Variants in LIMCH1 observed in about 807,000 individuals in gnomAD.
The protein encoded by LIMCH1 is LIM and calponin homology domains-containing protein 1.
A neutral mutation model predicts 176.5 loss-of-function variants in LIMCH1; 113 were observed. The ratio of observed to expected loss-of-function variants is 0.64; its 90% confidence interval spans 0.55 to 0.75. LIMCH1 has a LOEUF of 0.75. Ranked by LOEUF, LIMCH1 falls within the 30% of genes least tolerant of loss-of-function variation. LIMCH1 has a pLI of 0.00. For missense variants in LIMCH1, 1,674 were observed against 1,814.9 expected (o/e 0.92, Z 1.41); for synonymous variants, 619 against 645.9 (o/e 0.96, Z 0.63).
chr4:41,673,302 A>G (rs2095113377), intron 22 of LIMCH1, among the ~76,000 whole-genome samples: 1 of 152,166 alleles, frequency 6.6e-6, no homozygotes, highest in Admixed American at 6.5e-5. Flanking sequence ...AGATCTGAAG[A>G]TTTCCATTTT....
intron 2 of LIMCH1, among the ~76,000 whole-genome samples, chr4:41,602,590 G>A (rs192823251): frequency 8.6e-4 from 131 of 152,046 alleles, no homozygotes; most frequent in African/African-American, 2.5e-3. Context: ...AGGCCAAGGC[G>A]GGCAGATCAC....
chr4:41,459,194 G>A (rs150975007), intron 1 of LIMCH1, among the ~76,000 whole-genome samples: 6 of 152,184 alleles, frequency 3.9e-5, no homozygotes, highest in Admixed American at 3.9e-4. Context: ...AGAGCTTAAA[G>A]AGGAAAATTT....
intron 1 of LIMCH1, among the ~76,000 whole-genome samples, chr4:41,596,776 G>GA (rs1481724735): frequency 6.6e-6 from 1 of 152,188 alleles, no homozygotes; most frequent in Non-Finnish European, 1.5e-5. Flanking sequence ...AACCGAAGGA[G>GA]AAACTGGTGA....
At chr4:41,619,154 C>T (rs771030596) in intron 5 of LIMCH1, 34 bp from the exon 6 acceptor site, 15 of 1,611,244 alleles carry the variant, frequency 9.3e-6, no homozygotes, top group Non-Finnish European at 1.3e-5. Context: ...GCTAGCCTAA[C>T]ACACTTTCTC....
intron 3 of LIMCH1, among the ~76,000 whole-genome samples, chr4:41,532,293 G>A (rs116114800): frequency 0.1 from 15,805 of 152,190 alleles, 866 homozygotes; most frequent in Non-Finnish European, 0.13. Flanking sequence ...GTGTGCTGCT[G>A]TTTGAAACAG....
At chr4:41,644,060 A>G (rs1267947740) in intron 14 of LIMCH1, among the ~76,000 whole-genome samples, 2 of 152,198 alleles carry the variant, frequency 1.3e-5, no homozygotes, top group African/African-American at 2.4e-5. Flanking sequence ...ATTTAACGTA[A>G]TACAGTTTTA....
Position 41,514,725 on chromosome 4 carries a change from T to G in LIMCH1, c.168-9684T>G, listed in dbSNP as rs570939263. On this transcript the variant is annotated intron_variant, in intron 2 of 26. Coordinates refer to the LIMCH1 transcript ENST00000313860. ...GGAGACTTTTGATTGCTTTCTGCTG[T>G]GCCCCAAATACAAATAGGTGAATAA... 6.6e-5 allele frequency among the ~76,000 whole-genome samples: 10 copies of G among 152,284 alleles called. No homozygotes were observed. The South Asian group carries it at 2.1e-3, about 32-fold the overall frequency.
intron 1 of LIMCH1, among the ~76,000 whole-genome samples, chr4:41,383,735 A>G (rs190378726): frequency 6.6e-6 from 1 of 152,174 alleles, no homozygotes; most frequent in Non-Finnish European, 1.5e-5. Flanking sequence ...ATCTATCTAT[A>G]TATATGTCTA....
chr4:41,687,837 C>T lies in LIMCH1; in HGVS notation c.4089-3C>T. ...AATTTTTGACTCCTTTACCACATTA[C>T]AGGAAAAGTCCCCGAGAGCACTTCC... On this transcript the variant is annotated splice_polypyrimidine_tract_variant and splice_region_variant and intron_variant, in intron 28 of 31. Coordinates refer to ENST00000503057, the MANE Select transcript of LIMCH1 (RefSeq NM_001330672.2). 3 of 1,610,094 alleles carry T rather than the reference C, an allele frequency of 1.9e-6. No individual in the cohort carries two copies. Among genetic ancestry groups the T allele is most frequent in the Non-Finnish European group, 1.7e-6 (2 of 1,176,690 alleles).
At chr4:41,603,287 G>T (rs2090235254) in intron 2 of LIMCH1, among the ~76,000 whole-genome samples, 1 of 121,950 alleles carries the variant, frequency 8.2e-6, no homozygotes, top group Non-Finnish European at 1.6e-5. Flanking sequence ...TTTATAGTTA[G>T]AGAGTAAACA....
chr4:41,662,763 C>T (rs1279176887), intron 19 of LIMCH1, 58 bp from the exon 20 acceptor site: 21 of 1,575,072 alleles, frequency 1.3e-5, no homozygotes, highest in Non-Finnish European at 1.7e-5. Context: ...ATAAATGGTC[C>T]TATAGATATT....
At chr4:41,509,392 G>A (rs923181491) in intron 2 of LIMCH1, among the ~76,000 whole-genome samples, 2 of 152,134 alleles carry the variant, frequency 1.3e-5, no homozygotes, top group Non-Finnish European at 2.9e-5. Context: ...CCAGATGCTC[G>A]CTCCAATCTC....
At chr4:41,525,351 G>A (rs2076531903) in intron 3 of LIMCH1, among the ~76,000 whole-genome samples, 1 of 152,226 alleles carries the variant, frequency 6.6e-6, no homozygotes, top group Non-Finnish European at 1.5e-5. Flanking sequence ...AGAAAGCAAT[G>A]AGAAGAATGT....
At chr4:41,508,905 C>T (rs759644409) in intron 2 of LIMCH1, among the ~76,000 whole-genome samples, 6 of 152,182 alleles carry the variant, frequency 3.9e-5, no homozygotes, top group Non-Finnish European at 5.9e-5. Context: ...CATGATTCCA[C>T]CTAACTGTTT....
Position 41,605,948 on chromosome 4 carries a change from A to G in LIMCH1, c.-48A>G. 6.2e-7 allele frequency: 1 copy of G among 1,613,880 alleles called. No homozygotes were observed. Among genetic ancestry groups the G allele is most frequent in the Admixed American group, 1.7e-5 (1 of 60,018 alleles). On this transcript the variant is annotated 5_prime_UTR_variant, in exon 4 of 32. Coordinates refer to ENST00000503057, the MANE Select transcript of LIMCH1 (RefSeq NM_001330672.2). ...AGCAGCAAACAGCTGCACATCCTAC[A>G]GCGGAACGACACTAAACCTGAAGGA...
intron 1 of LIMCH1, chr4:41,494,475 G>A: frequency 1.7e-6 from 2 of 1,149,392 alleles, no homozygotes; most frequent in Middle Eastern, 2.0e-4. Flanking sequence ...ATATATATAT[G>A]ATTGGACTTC....
intron 20 of LIMCH1, among the ~76,000 whole-genome samples, chr4:41,665,466 G>A (rs1216338842): frequency 6.6e-6 from 1 of 152,156 alleles, no homozygotes; most frequent in East Asian, 1.9e-4. Context: ...TTTTCTTTAA[G>A]ATTCTCTTAG....
intron 1 of LIMCH1, among the ~76,000 whole-genome samples, chr4:41,372,069 T>C (rs991931233): frequency 6.6e-6 from 1 of 152,210 alleles, no homozygotes; most frequent in South Asian, 2.1e-4. Flanking sequence ...CCCCTCTTTT[T>C]GCTCTAGACT....
chr4:41,503,734 C>T (rs760374339), intron 2 of LIMCH1, among the ~76,000 whole-genome samples: 33 of 152,172 alleles, frequency 2.2e-4, no homozygotes, highest in Non-Finnish European at 4.6e-4. Context: ...ATAGATCACT[C>T]CTTCCTTGGG....
Sources: allele counts gnomAD v4.1 joint callset (sites outside exome capture counted in the v4.1 genomes callset), GRCh38; gene constraint gnomAD v4.1.1; transcripts MANE v1.5; gene names NCBI Gene and HGNC (gene_info 2026-07-23, HGNC 2026-07-21).